LRP1B: variants seen among roughly 807,000 people sequenced by gnomAD.
LRP1B encodes LDL receptor related protein 1B.
Under a neutral mutation model 556.6 loss-of-function variants are expected in LRP1B, and 217 were observed. The observed-to-expected ratio is 0.39, with a 90% CI of 0.35 to 0.44. The LOEUF is 0.44. Among genes scored for constraint, LRP1B ranks in the 20% least tolerant of loss-of-function variants. The pLI, the probability that LRP1B is intolerant of heterozygous loss-of-function variation, is 1.00. For missense variants in LRP1B, 5,053 were observed against 5,620.8 expected (o/e 0.90, Z 3.23); for synonymous variants, 2,047 against 1,865.8 (o/e 1.10, Z -2.50).
intron 6 of LRP1B, among the ~76,000 whole-genome samples, chr2:141,199,063 A>T (rs1312758803): frequency 1.3e-5 from 2 of 152,156 alleles, no homozygotes; most frequent in Admixed American, 6.5e-5. Context: ...CAGAGTGATC[A>T]TTGCAAAACA....
At chr2:141,740,502 ATT>A (rs2105540244) in intron 2 of LRP1B, among the ~76,000 whole-genome samples, 1 of 152,294 alleles carries the variant, frequency 6.6e-6, no homozygotes, top group East Asian at 1.9e-4. Flanking sequence ...TACAAGAGAT[ATT>A]TTGATATAGG....
intron 7 of LRP1B, among the ~76,000 whole-genome samples, chr2:141,123,249 A>AT (rs1701110904): frequency 7.1e-6 from 1 of 139,944 alleles, no homozygotes; most frequent in Non-Finnish European, 1.6e-5. Context: ...AATAAAAAAA[A>AT]ATAAATAAAT....
intron 60 of LRP1B, among the ~76,000 whole-genome samples, chr2:140,466,742 C>G (rs1171299068): frequency 6.6e-6 from 1 of 151,994 alleles, no homozygotes; most frequent in Admixed American, 6.6e-5. Context: ...TGAAGAGTAT[C>G]CTGAAAAAAA....
Position 140,349,184 on chromosome 2 carries a change from G to A in LRP1B, c.11892+1613C>T, listed in dbSNP as rs1189775245. ...TGTGGCCTGGGGGTTGGAGACCCCT[G>A]AACTAGAACCCTGAACTAAAGGACA... On this transcript the variant is annotated intron_variant, in intron 77 of 90. Transcript: ENST00000389484. Among the ~76,000 whole-genome samples the A allele has an allele frequency of 3.9e-5, 6 of 152,082 alleles. No individual in the cohort carries two copies. The South Asian group carries it at 8.3e-4, about 21-fold the overall frequency.
intron 20 of LRP1B, among the ~76,000 whole-genome samples, chr2:140,934,862 CCTTTTGGGAGCTAG>C (rs796091437): frequency 2.6e-5 from 4 of 152,196 alleles, no homozygotes; most frequent in African/African-American, 9.6e-5. Context: ...ACTCAGTTCC[CCTTTTGGGAGCTAG>C]ATATAAAAGA....
rs1238997319 is a variant in LRP1B, at chr2:140,840,088, T to C, written c.5115-3A>G. 1 of 1,576,246 alleles carries C rather than the reference T, an allele frequency of 6.3e-7. No individual in the cohort carries two copies. The highest frequency in any genetic ancestry group is 8.7e-7 in the Non-Finnish European group (1 of 1,153,952). ...TTCCATCGGTCCAGTAGAGTTTTCTTAATTCAAAAGACATATGGATTGAAA... is the reference window on the plus strand; with the variant it reads ...TTCCATCGGTCCAGTAGAGTTTTCTCAATTCAAAAGACATATGGATTGAAA... On this transcript the variant is annotated splice_polypyrimidine_tract_variant and splice_region_variant and intron_variant, in intron 30 of 90. Transcript: ENST00000389484.
chr2:141,701,145 T>A (rs575163323), intron 2 of LRP1B, among the ~76,000 whole-genome samples: 208 of 152,014 alleles, frequency 1.4e-3, no homozygotes, highest in Admixed American at 2.8e-3. Flanking sequence ...TAGAAGTTAA[T>A]CTCACTAAAA....
chr2:141,719,284 T>C (rs1162330035), intron 2 of LRP1B, among the ~76,000 whole-genome samples: 5 of 152,182 alleles, frequency 3.3e-5, no homozygotes, highest in South Asian at 2.1e-4. Flanking sequence ...TCTTGGCATG[T>C]TATTCAATAA....
chr2:140,554,755 A>G (rs892792499), intron 43 of LRP1B, among the ~76,000 whole-genome samples: 8 of 151,988 alleles, frequency 5.3e-5, no homozygotes, highest in African/African-American at 1.9e-4. Context: ...ATAATTATTT[A>G]CTGATAGAAT....
intron 18 of LRP1B, among the ~76,000 whole-genome samples, chr2:140,965,464 T>C (rs1338583647): frequency 6.6e-6 from 1 of 152,168 alleles, no homozygotes; most frequent in East Asian, 1.9e-4. Flanking sequence ...TTCAGCATTA[T>C]AGATATATTG....
At chr2:141,185,673 G>GAAAAAAAAAAAAA (rs1365290510) in intron 7 of LRP1B, among the ~76,000 whole-genome samples, 2 of 23,752 alleles carry the variant, frequency 8.4e-5, no homozygotes, top group Non-Finnish European at 1.5e-4. Flanking sequence ...ATGGAGAACT[G>GAAAAAAAAAAAAA]AAAAACAAAC....
chr2:140,313,791 C>G (rs17477082), intron 83 of LRP1B, among the ~76,000 whole-genome samples: 43,129 of 151,636 alleles, frequency 0.28, 7,551 homozygotes, highest in Non-Finnish European at 0.4. Context: ...ACAGAATATA[C>G]TTTATGAACT....
chr2:141,111,016 G>C (rs961364173), intron 7 of LRP1B, among the ~76,000 whole-genome samples: 1 of 152,188 alleles, frequency 6.6e-6, no homozygotes, highest in Admixed American at 6.5e-5. Context: ...TTGGAAAGAA[G>C]TGAATGAAAT....
chr2:140,260,629 ATTG>A (rs1681892217), intron 86 of LRP1B, among the ~76,000 whole-genome samples: 1 of 151,620 alleles, frequency 6.6e-6, no homozygotes, highest in Non-Finnish European at 1.5e-5. Flanking sequence ...TTTTGTATTT[ATTG>A]TTTTTTTATT....
At chr2:140,569,472 G>T (rs544253903) in intron 43 of LRP1B, among the ~76,000 whole-genome samples, 1 of 151,918 alleles carries the variant, frequency 6.6e-6, no homozygotes, top group East Asian at 1.9e-4. Flanking sequence ...GACAAAGAAG[G>T]TCATTATGTA....
chr2:140,648,007 C>G (rs1215287660), intron 41 of LRP1B, among the ~76,000 whole-genome samples: 1 of 152,146 alleles, frequency 6.6e-6, no homozygotes, highest in Non-Finnish European at 1.5e-5. Flanking sequence ...TATTGCAGCA[C>G]TATTTACAAT....
intron 31 of LRP1B, among the ~76,000 whole-genome samples, chr2:140,823,899 A>G (rs1289440129): frequency 6.6e-6 from 1 of 152,082 alleles, no homozygotes; most frequent in Non-Finnish European, 1.5e-5. Context: ...ACTCATGACC[A>G]CAAAGAAGGG....
intron 32 of LRP1B, among the ~76,000 whole-genome samples, chr2:140,786,291 T>C (rs915309136): frequency 6.6e-6 from 1 of 152,194 alleles, no homozygotes; most frequent in African/African-American, 2.4e-5. Flanking sequence ...AGAAAATAAC[T>C]AAAGGCAGCA....
intron 79 of LRP1B, among the ~76,000 whole-genome samples, chr2:140,333,167 C>A (rs1680898024): frequency 6.6e-6 from 1 of 152,008 alleles, no homozygotes; most frequent in Non-Finnish European, 1.5e-5. Context: ...TCTTAAAAAA[C>A]TCTTTCCTCA....
Sources: allele counts gnomAD v4.1 joint callset (sites outside exome capture counted in the v4.1 genomes callset), GRCh38; gene constraint gnomAD v4.1.1; transcripts MANE v1.5; gene names NCBI Gene and HGNC (gene_info 2026-07-23, HGNC 2026-07-21).